The following PRDX3 variants were observed in gnomAD, a reference collection of about 807,000 sequenced individuals.
The protein encoded by PRDX3 is thioredoxin-dependent peroxide reductase, mitochondrial.
Under a neutral mutation model 30.4 loss-of-function variants are expected in PRDX3, and 20 were observed. The observed-to-expected ratio is 0.66, with a 90% CI of 0.46 to 0.96. PRDX3 has a LOEUF of 0.96. Ranked by LOEUF, PRDX3 falls within the 40% of genes least tolerant of loss-of-function variation. The probability of loss-of-function intolerance (pLI) is 0.00; values close to 1 mark genes in which losing one functional copy is unlikely to be tolerated. For missense variants in PRDX3, 322 were observed against 318.3 expected, an observed-to-expected ratio of 1.01 and a Z score of -0.09; for synonymous variants, 124 against 117.8, an observed-to-expected ratio of 1.05 and a Z score of -0.34.
At chr10:119,178,384 CA>C (rs1330717544) in intron 1 of PRDX3, among the ~76,000 whole-genome samples, 1 of 152,234 alleles carries the variant, frequency 6.6e-6, no homozygotes, top group Admixed American at 6.5e-5. Flanking sequence ...CTGTTCACAG[CA>C]ACGCCTTGAT....
chr10:119,168,296 G>A lies in PRDX3; in HGVS notation c.*184C>T. Reference sequence around the variant, plus strand: ...TACCAATAAAGGATTCCTTGTACTAGCAACTAACCATGTTTAAAAGGTCTT... The same window carrying A: ...TACCAATAAAGGATTCCTTGTACTAACAACTAACCATGTTTAAAAGGTCTT... On this transcript the variant is annotated 3_prime_UTR_variant, in exon 7 of 7. Coordinates refer to ENST00000298510, the MANE Select transcript of PRDX3 (RefSeq NM_006793.5). 3 of 1,228,130 alleles carry A rather than the reference G, an allele frequency of 2.4e-6. No homozygotes were observed. In the South Asian group the frequency reaches 4.9e-5, roughly 20 times the overall value. 76.1% of individuals were successfully genotyped at this position (1,228,130 alleles called of 1,614,324 possible).
At chr10:119,172,325 G>T in intron 5 of PRDX3, 57 bp downstream of exon 5, 4 of 1,397,194 alleles carry the variant, frequency 2.9e-6, no homozygotes, top group Non-Finnish European at 3.0e-6. Context: ...CCCCTAAGAA[G>T]CAGAATGATA....
In PRDX3 at chr10:119,172,372, A is replaced by C; in HGVS notation, c.551+10T>G. ...AAATAATCTTAAGTTCATCAGAAAC[A>C]GGATCTTACCTTAGTGCAAGACCAG... On this transcript the variant is annotated intron_variant, in intron 5 of 6. Transcript: ENST00000298510. 1 of 1,582,294 alleles carries C rather than the reference A, an allele frequency of 6.3e-7. No individual in the cohort carries two copies. Among genetic ancestry groups the C allele is most frequent in the Non-Finnish European group, 8.7e-7 (1 of 1,151,106 alleles).
At chr10:119,173,709 A>T in intron 4 of PRDX3, 28 bp downstream of exon 4, 1 of 1,605,380 alleles carries the variant, frequency 6.2e-7, no homozygotes, top group Non-Finnish European at 8.5e-7. Context: ...AGTTTATAAG[A>T]GCAAAAGCTA....
At chr10:119,172,630 C>T (rs1278180940) in intron 4 of PRDX3, 145 bp from the exon 5 acceptor site, 1 of 709,644 alleles carries the variant, frequency 1.4e-6, no homozygotes, top group Non-Finnish European at 2.5e-6. Flanking sequence ...TATTAACCTA[C>T]TGCCTCCTCG....
At chr10:119,178,497 G>C (rs1848098072) in intron 1 of PRDX3, among the ~76,000 whole-genome samples, 2 of 152,278 alleles carry the variant, frequency 1.3e-5, no homozygotes, top group African/African-American at 4.8e-5. Context: ...AGGACCTTAA[G>C]TGGAGATGGG....
intron 3 of PRDX3, among the ~76,000 whole-genome samples, 192 bp from the exon 4 acceptor site, chr10:119,174,064 T>A (rs1380887676): frequency 6.6e-6 from 1 of 152,074 alleles, no homozygotes; most frequent in Non-Finnish European, 1.5e-5. Context: ...AGGAATTGTA[T>A]CAAAAAATGG....
intron 3 of PRDX3, 57 bp downstream of exon 3, chr10:119,174,394 A>C: frequency 6.5e-7 from 1 of 1,528,252 alleles, no homozygotes; most frequent in Non-Finnish European, 8.8e-7. Context: ...CAGTGTGGGA[A>C]CAGGATATGT....
intron 4 of PRDX3, 128 bp downstream of exon 4, chr10:119,173,609 C>CAAAAA: frequency 2.9e-5 from 28 of 958,118 alleles, no homozygotes; most frequent in Admixed American, 9.3e-5. Flanking sequence ...AGCTCCGTCT[C>CAAAAA]AAAAAAAAAA....
chr10:119,174,451 A>G lies in PRDX3; in HGVS notation c.311T>C (p.Phe104Ser). 4 of 1,594,060 alleles carry G rather than the reference A, an allele frequency of 2.5e-6. No homozygotes were observed. Among genetic ancestry groups the G allele is most frequent in the Non-Finnish European group, 3.4e-6 (4 of 1,174,810 alleles). The change falls in exon 3 of 7, where the codon TTC (phenylalanine) becomes TCC (serine). Residue 104 changes from phenylalanine to serine, a missense_variant and splice_region_variant. Physicochemically the swap from Phe to Ser is radical, Grantham distance 155. Transcript: ENST00000298510. ...AAAGCATCATAGAAATTACACTTAC[A>G]AATCCAAAGGATAGAAGAAAAGCAC... ...YLVLFFYPLD[F>S]TFVCPTEIVA...
intron 1 of PRDX3, among the ~76,000 whole-genome samples, chr10:119,177,732 T>C (rs560792043): frequency 5.9e-4 from 88 of 148,608 alleles, no homozygotes; most frequent in African/African-American, 2.1e-3. Flanking sequence ...GTGCAGGCTT[T>C]TCCCAGCACT....
intron 5 of PRDX3, among the ~76,000 whole-genome samples, chr10:119,171,467 G>A (rs1847906723): frequency 6.6e-6 from 1 of 152,160 alleles, no homozygotes; most frequent in South Asian, 2.1e-4. Flanking sequence ...CCTATTCTCA[G>A]CAGACTTCAA....
intron 1 of PRDX3, among the ~76,000 whole-genome samples, chr10:119,178,356 T>C (rs1312560208): frequency 2.6e-5 from 4 of 152,216 alleles, no homozygotes; most frequent in African/African-American, 9.6e-5. Flanking sequence ...TGCGCGTTTT[T>C]ATCCAGTATT....
chr10:119,168,917 G>A lies in PRDX3; in HGVS notation c.717+260C>T, dbSNP rs540697668. ...GAACCCAGGAGGCGGAGCTTGCAGT[G>A]AGCTGAGAGAGCGCCACTGCACTCC... On this transcript the variant is annotated intron_variant, in intron 6 of 6. Transcript: ENST00000298510. Among the ~76,000 whole-genome samples, 96 of 147,024 alleles carry A rather than the reference G, an allele frequency of 6.5e-4. 1 individual carries two copies. Among genetic ancestry groups the A allele is most frequent in the Non-Finnish European group, 2.5e-4 (17 of 67,300 alleles).
intron 2 of PRDX3, among the ~76,000 whole-genome samples, chr10:119,175,723 C>T (rs190641499): frequency 5.5e-4 from 82 of 150,448 alleles, no homozygotes; most frequent in Non-Finnish European, 1.0e-3. Flanking sequence ...AAGATTAGTC[C>T]GGCAGGAGGG....
rs550327839 is a variant in PRDX3 at position 119,173,814 on chromosome 10, C to T, written c.370G>A (p.Asp124Asn). The change falls in exon 4 of 7, where the codon GAC (aspartate) becomes AAC (asparagine). Residue 124 changes from aspartate to asparagine, a missense_variant. Transcript: ENST00000298510. ...AFSDKANEFH[D>N]VNCEVVAVSV... The stretch of plus-strand genomic sequence containing the variant: ...ACTGCGACAACTTCACAGTTCACGT[C>T]GTGAAATTCGTTAGCTTTGTCACTA... The T allele has an allele frequency of 2.8e-5, 45 of 1,611,836 alleles. No homozygotes were observed. The highest frequency in any genetic ancestry group is 1.4e-4 in the South Asian group (13 of 90,922).
intron 4 of PRDX3, among the ~76,000 whole-genome samples, 154 bp downstream of exon 4, chr10:119,173,583 T>C (rs1847960230): frequency 6.7e-6 from 1 of 149,636 alleles, no homozygotes; most frequent in African/African-American, 2.5e-5. Context: ...CACTCCAGCC[T>C]GGGCAACAAG....
intron 5 of PRDX3, 179 bp from the exon 6 acceptor site, chr10:119,169,521 G>T: frequency 1.8e-6 from 1 of 561,918 alleles, no homozygotes; most frequent in South Asian, 2.3e-5. Context: ...ACTGATGACA[G>T]ATGCTTTAAC....
intron 1 of PRDX3, among the ~76,000 whole-genome samples, chr10:119,177,671 C>T (rs1848071066): frequency 7.0e-6 from 1 of 142,010 alleles, no homozygotes; most frequent in Non-Finnish European, 1.5e-5. Flanking sequence ...AAAAAAAAAT[C>T]AGAAACTCCA....
Sources: allele counts gnomAD v4.1 joint callset (sites outside exome capture counted in the v4.1 genomes callset), GRCh38; gene constraint gnomAD v4.1.1; transcripts MANE v1.5; gene names NCBI Gene and HGNC (gene_info 2026-07-23, HGNC 2026-07-21).